AMZ1: variants seen among roughly 807,000 people sequenced by gnomAD.
AMZ1 encodes archaemetzincin-1.
AMZ1 carries 39 observed loss-of-function variants against 29.9 expected under a neutral mutation model. That is an observed-to-expected ratio of 1.30 (90% CI 1.01 to 1.70). AMZ1 has a LOEUF of 1.70. Ranked by LOEUF, AMZ1 falls within the 40% of genes most tolerant of loss-of-function variation. The probability of loss-of-function intolerance (pLI) is 0.00; values close to 1 mark genes in which losing one functional copy is unlikely to be tolerated. For synonymous variants in AMZ1, 458 were observed against 304.0 expected, an observed-to-expected ratio of 1.51 and a Z score of -5.27; for missense variants, 1,041 against 680.6, an observed-to-expected ratio of 1.53 and a Z score of -5.89.
chr7:2,700,895 A>G (rs1050137423), intron 2 of AMZ1, 140 bp downstream of exon 2: 11 of 1,202,462 alleles, frequency 9.1e-6, no homozygotes, highest in Non-Finnish European at 1.1e-5. Context: ...GCCAGGGTGG[A>G]GGCAGGGAGG....
chr7:2,696,537 G>A lies in AMZ1; in HGVS notation c.-218-3697G>A, dbSNP rs538745419. Among the ~76,000 whole-genome samples, 96 of 151,346 alleles carry A rather than the reference G, an allele frequency of 6.3e-4. 2 individuals carry two copies. The South Asian group carries it at 0.018, about 28-fold the overall frequency. ...CTCCCAAAGTGCTGTGATTACAGGC[G>A]TGAGCCACCGCACCTGGCCAATAGT... On this transcript the variant is annotated intron_variant, in intron 1 of 6. Coordinates refer to ENST00000683327, the MANE Select transcript of AMZ1 (RefSeq NM_001384743.1).
intron 1 of AMZ1, among the ~76,000 whole-genome samples, chr7:2,697,506 C>T (rs1050452503): frequency 1.7e-4 from 26 of 152,090 alleles, no homozygotes; most frequent in Admixed American, 2.6e-4. Flanking sequence ...TCACTGCAGC[C>T]TTGACTTTCT....
rs768130678 is a variant in AMZ1, at chr7:2,731,792, A to C, written n.550+21976A>C. 1 of 1,038,950 alleles carries C rather than the reference A, an allele frequency of 9.6e-7. No individual in the cohort carries two copies. The highest frequency in any genetic ancestry group is 1.4e-6 in the Non-Finnish European group (1 of 731,604). 64.4% of individuals were successfully genotyped at this position (1,038,950 alleles called of 1,614,324 possible). The stretch of plus-strand genomic sequence containing the variant: ...GAGGCAGAAATTTAGGGGGAGGAAG[A>C]AAGAACAGAGAAAATAGAAACAAAA... On this transcript the variant is annotated intron_variant and non_coding_transcript_variant, in intron 4 of 4. Transcript: ENST00000489665. The surrounding 1 kb of genome is among the most constrained non-coding windows in gnomAD (Gnocchi z 6.0).
chr7:2,711,710 T>C (rs1227732360), intron 6 of AMZ1, among the ~76,000 whole-genome samples: 1 of 152,098 alleles, frequency 6.6e-6, no homozygotes, highest in Non-Finnish European at 1.5e-5. Flanking sequence ...TGAGCCACCA[T>C]GCCCACACCT....
chr7:2,700,183 C>T (rs1220566984), intron 1 of AMZ1, 51 bp from the exon 2 acceptor site: 3 of 510,800 alleles, frequency 5.9e-6, no homozygotes, highest in East Asian at 3.2e-5. Flanking sequence ...CCTGGGACAT[C>T]GGGCCCTGTG....
Position 2,702,776 on chromosome 7 carries a change from C to T in AMZ1, c.359C>T (p.Thr120Ile), listed in dbSNP as rs1300512177. The T allele has an allele frequency of 6.5e-7, 1 of 1,544,132 alleles. No individual in the cohort carries two copies. Among genetic ancestry groups the T allele is most frequent in the Middle Eastern group, 1.8e-4 (1 of 5,470 alleles). ...CTGCTGCACCAGCTGTGCAGCTGCACAGAGGCCTTCTTCCTGGGCCTGCGC... is the reference window on the plus strand; with the variant it reads ...CTGCTGCACCAGCTGTGCAGCTGCATAGAGGCCTTCTTCCTGGGCCTGCGC... ...SSLLHQLCSC[T>I]EAFFLGLRVK... The change falls in exon 3 of 7, where the codon ACA becomes ATA. Residue 120 changes from threonine to isoleucine, a missense_variant. By Grantham distance (89) the Thr-to-Ile change is moderately conservative. Transcript: ENST00000683327.
intron 2 of AMZ1, 180 bp from the exon 3 acceptor site, chr7:2,702,542 G>C: frequency 1.5e-6 from 1 of 653,020 alleles, no homozygotes; most frequent in East Asian, 2.9e-5. Context: ...CTCGGTGTTT[G>C]CCCTTTTGAA....
At chr7:2,699,083 G>A (rs1329959275) in intron 1 of AMZ1, among the ~76,000 whole-genome samples, 2 of 152,040 alleles carry the variant, frequency 1.3e-5, no homozygotes, top group Admixed American at 6.6e-5. Context: ...CCCCTTCTGT[G>A]GTTTCTGGTT....
At chr7:2,760,832 T>C (rs1045102144), upstream of AMZ1, among the ~76,000 whole-genome samples, 4 of 152,192 alleles carry the variant, frequency 2.6e-5, no homozygotes, top group Non-Finnish European at 5.9e-5. Context: ...AGAGGTTAGC[T>C]TGTCTGCAAG....
At chr7:2,753,129 T>TA (rs1256787006) in intron 4 of AMZ1, among the ~76,000 whole-genome samples, 1 of 151,954 alleles carries the variant, frequency 6.6e-6, no homozygotes, top group Non-Finnish European at 1.5e-5. Context: ...AGAGTGTACT[T>TA]AAAGTGAAAC....
chr7:2,740,658 C>G (rs1240822730), intron 4 of AMZ1, among the ~76,000 whole-genome samples: 1 of 152,188 alleles, frequency 6.6e-6, no homozygotes. Context: ...CATGTTAATA[C>G]TGGGCAATGG....
upstream of AMZ1, among the ~76,000 whole-genome samples, chr7:2,687,628 A>G (rs2115035418): frequency 6.6e-6 from 1 of 152,332 alleles, no homozygotes; most frequent in South Asian, 2.1e-4. Context: ...ACAGCTGGCC[A>G]GGGTAGGGCA....
intron 1 of AMZ1, among the ~76,000 whole-genome samples, chr7:2,690,229 C>T (rs1787305665): frequency 1.3e-5 from 2 of 152,028 alleles, no homozygotes; most frequent in African/African-American, 4.8e-5. Flanking sequence ...GAGAGACAGA[C>T]AGACAGACAG....
At chr7:2,691,355 C>T (rs897614245) in intron 1 of AMZ1, among the ~76,000 whole-genome samples, 6 of 147,948 alleles carry the variant, frequency 4.1e-5, no homozygotes, top group Non-Finnish European at 8.8e-5. Context: ...TAACCCTGGG[C>T]AAGTGGCTTT....
At chr7:2,728,229 C>T (rs1206954456) in intron 4 of AMZ1, 1 of 152,322 alleles carries the variant, frequency 6.6e-6, no homozygotes, top group Non-Finnish European at 1.5e-5. Flanking sequence ...CCATGAACAA[C>T]TGACCCGGAC....
intron 4 of AMZ1, among the ~76,000 whole-genome samples, chr7:2,737,757 G>C (rs1790281725): frequency 6.6e-6 from 1 of 152,170 alleles, no homozygotes; most frequent in Non-Finnish European, 1.5e-5. Context: ...AAACTGCTGT[G>C]TATGAAAAGT....
At chr7:2,721,440 C>T (rs1789416687), downstream of AMZ1, among the ~76,000 whole-genome samples, 3 of 152,312 alleles carry the variant, frequency 2.0e-5, 1 homozygote, top group South Asian at 6.2e-4. Context: ...AGTAGGTGGG[C>T]TGGGCGCAGT....
chr7:2,725,604 G>A (rs1011922465), intron 4 of AMZ1, among the ~76,000 whole-genome samples: 1 of 152,184 alleles, frequency 6.6e-6, no homozygotes, highest in Non-Finnish European at 1.5e-5. Flanking sequence ...TGCAAGACAG[G>A]CCATGAACCT....
chr7:2,704,722 G>T (rs1378255308), intron 3 of AMZ1, among the ~76,000 whole-genome samples: 1 of 149,338 alleles, frequency 6.7e-6, no homozygotes, highest in African/African-American at 2.5e-5. Flanking sequence ...TCAGCCTCCC[G>T]AGTAGCTGGG....
Sources: allele counts gnomAD v4.1 joint callset (sites outside exome capture counted in the v4.1 genomes callset), GRCh38; gene constraint gnomAD v4.1.1; non-coding constraint Gnocchi (gnomAD v3.1); transcripts MANE v1.5; gene names NCBI Gene and HGNC (gene_info 2026-07-23, HGNC 2026-07-21).